RASAL2: variants seen among roughly 807,000 people sequenced by gnomAD.
The protein encoded by RASAL2 is RAS protein activator like 2.
A neutral mutation model predicts 128.9 loss-of-function variants in RASAL2; 58 were observed. The ratio of observed to expected loss-of-function variants is 0.45; its 90% CI spans 0.36 to 0.56. RASAL2 has a LOEUF of 0.56. Among genes scored for constraint, RASAL2 ranks in the 20% least tolerant of loss-of-function variants. RASAL2 has a pLI of 0.00. For missense variants in RASAL2, 1,360 were observed against 1,601.6 expected (o/e 0.85, Z 2.57); for synonymous variants, 561 against 580.8 (o/e 0.97, Z 0.49).
intron 3 of RASAL2, among the ~76,000 whole-genome samples, chr1:178,387,524 C>A (rs1477735141): frequency 2.0e-5 from 3 of 152,002 alleles, no homozygotes; most frequent in Non-Finnish European, 2.9e-5. Context: ...TCCTTCCCCC[C>A]TCCCCCTACC....
At position 178,188,745 on chromosome 1, in the gene RASAL2, A is replaced by G. The variant is rs74128877; in HGVS notation, c.202+94051A>G. 5.5e-3 allele frequency among the ~76,000 whole-genome samples: 842 copies of G among 152,314 alleles called. 11 individuals carry two copies. Among genetic ancestry groups the G allele is most frequent in the African/African-American group, 0.019 (790 of 41,578 alleles). On this transcript the variant is annotated intron_variant, in intron 1 of 17. Coordinates refer to ENST00000367649, the MANE Select transcript of RASAL2 (RefSeq NM_170692.4). The stretch of plus-strand genomic sequence containing the variant: ...GTGATCCTAATTCAACATTTATTGA[A>G]TGAGTGTTACTATTTAGAAGGCAAA...
At chr1:178,161,028 C>CGGAA (rs1661270775) in intron 1 of RASAL2, among the ~76,000 whole-genome samples, 2 of 151,906 alleles carry the variant, frequency 1.3e-5, no homozygotes, top group South Asian at 4.1e-4. Flanking sequence ...TGAGAGTTCC[C>CGGAA]GCAAGTGTCT....
intron 3 of RASAL2, among the ~76,000 whole-genome samples, chr1:178,351,982 T>G (rs1337920155): frequency 6.6e-6 from 1 of 152,214 alleles, no homozygotes; most frequent in African/African-American, 2.4e-5. Context: ...ATATAAAAAC[T>G]GTTCTTGGAG....
At chr1:178,386,357 C>A (rs1255143666) in intron 3 of RASAL2, among the ~76,000 whole-genome samples, 1 of 152,154 alleles carries the variant, frequency 6.6e-6, no homozygotes, top group African/African-American at 2.4e-5. Flanking sequence ...GTCTGGATAA[C>A]CCAGTTTATT....
intron 1 of RASAL2, among the ~76,000 whole-genome samples, chr1:178,225,558 TA>T: frequency 6.6e-6 from 1 of 152,146 alleles, no homozygotes; most frequent in East Asian, 1.9e-4. Flanking sequence ...TAGCCATGGT[TA>T]AAACTTAAAA....
chr1:178,425,459 G>C lies in RASAL2; in HGVS notation c.674+4839G>C, dbSNP rs557056039. The stretch of plus-strand genomic sequence containing the variant: ...TTACTTAATCTATAATTCTCACTTA[G>C]ATGACAAACAGATGTAGTTACCTAC... On this transcript the variant is annotated intron_variant, in intron 5 of 17. Coordinates refer to ENST00000367649, the MANE Select transcript of RASAL2 (RefSeq NM_170692.4). Among the ~76,000 whole-genome samples, 4 of 152,070 alleles carry C rather than the reference G, an allele frequency of 2.6e-5. No homozygotes were observed. In the South Asian group the frequency reaches 8.3e-4, roughly 32 times the overall value.
In RASAL2 at chr1:178,162,420, ATAT is replaced by A. The variant is rs1437691969; in HGVS notation, c.202+67730_202+67732del. On this transcript the variant is annotated intron_variant, in intron 1 of 17. Transcript: ENST00000367649. ...TTATATATTTTATATATTATATATA[ATAT>A]TATATATATTTTATATATAATATAT... Among the ~76,000 whole-genome samples, 949 of 119,108 alleles carry A rather than the reference ATAT, an allele frequency of 8.0e-3. 11 individuals carry two copies. Among genetic ancestry groups the A allele is most frequent in the African/African-American group, 0.025 (740 of 29,714 alleles). 78.1% of individuals were successfully genotyped at this position (119,108 alleles called of 152,430 possible).
At chr1:178,319,778 CCTT>C (rs1337565887) in intron 3 of RASAL2, among the ~76,000 whole-genome samples, 1 of 152,142 alleles carries the variant, frequency 6.6e-6, no homozygotes, top group East Asian at 1.9e-4. Flanking sequence ...TCGTCTGAAG[CCTT>C]CTTCTCTCAG....
chr1:178,330,036 T>C lies in RASAL2; in HGVS notation c.457+29918T>C, dbSNP rs527850843. Among the ~76,000 whole-genome samples, 13 of 152,248 alleles carry C rather than the reference T, an allele frequency of 8.5e-5. No individual in the cohort carries two copies. In the South Asian group the frequency reaches 1.2e-3, roughly 15 times the overall value. On this transcript the variant is annotated intron_variant, in intron 3 of 17. Coordinates refer to ENST00000367649, the MANE Select transcript of RASAL2 (RefSeq NM_170692.4). ...TATACATTCAGTAAATTTTGGTTAA[T>C]TATATTGTTGACTAAGTTGCTTTAA...
intron 3 of RASAL2, among the ~76,000 whole-genome samples, chr1:178,333,383 A>C (rs1571876320): frequency 6.6e-6 from 1 of 152,208 alleles, no homozygotes; most frequent in Non-Finnish European, 1.5e-5. Flanking sequence ...AATATCCCTC[A>C]AATATTAGAC....
chr1:178,439,637 T>C, intron 6 of RASAL2, 62 bp downstream of exon 6: 1 of 1,532,922 alleles, frequency 6.5e-7, no homozygotes, highest in Non-Finnish European at 8.9e-7. Context: ...TTATGTCCAG[T>C]AATTTTGCGA....
At chr1:178,270,784 A>G (rs1439027567) in intron 1 of RASAL2, among the ~76,000 whole-genome samples, 1 of 152,104 alleles carries the variant, frequency 6.6e-6, no homozygotes, top group Non-Finnish European at 1.5e-5. Context: ...GGGCTTTACT[A>G]TAAGGTGACC....
chr1:178,319,623 G>A (rs1179851373), intron 3 of RASAL2, among the ~76,000 whole-genome samples: 4 of 148,068 alleles, frequency 2.7e-5, no homozygotes, highest in South Asian at 2.1e-4. Context: ...CGTAGTTCTC[G>A]AGCCTTGGTT....
chr1:178,102,650 T>G (rs75996001), intron 1 of RASAL2, among the ~76,000 whole-genome samples: 2,100 of 152,340 alleles, frequency 0.014, 32 homozygotes, highest in Non-Finnish European at 0.022. Flanking sequence ...TTCTCTTAAG[T>G]GTATTTTCTC....
intron 2 of RASAL2, 29 bp downstream of exon 2, chr1:178,283,720 G>A: frequency 6.2e-7 from 1 of 1,605,108 alleles, no homozygotes; most frequent in Non-Finnish European, 8.5e-7. Context: ...AGGAAAGTTA[G>A]TTTCCTTTTC....
In RASAL2 at chr1:178,338,341, G is replaced by A. The variant is rs557528216; in HGVS notation, c.457+38223G>A. 7.6e-4 allele frequency among the ~76,000 whole-genome samples: 115 copies of A among 151,786 alleles called. 1 individual carries two copies. Among genetic ancestry groups the A allele is most frequent in the Non-Finnish European group, 1.4e-3 (95 of 67,924 alleles). ...GATGGGGTTTTACCATGTTGGTCAG[G>A]CTAGTCTCGAACTCCTAACCTCAAG... is the stretch of plus-strand genomic sequence containing the variant. On this transcript the variant is annotated intron_variant, in intron 3 of 17. Coordinates refer to ENST00000367649, the MANE Select transcript of RASAL2 (RefSeq NM_170692.4).
intron 1 of RASAL2, among the ~76,000 whole-genome samples, chr1:178,208,274 T>C (rs758923773): frequency 2.4e-4 from 36 of 152,154 alleles, no homozygotes; most frequent in Non-Finnish European, 4.3e-4. Context: ...AGAGAGCCTA[T>C]AAATGGATGT....
intron 16 of RASAL2, among the ~76,000 whole-genome samples, chr1:178,466,411 A>G (rs1647700126): frequency 6.6e-6 from 1 of 152,252 alleles, no homozygotes; most frequent in South Asian, 2.1e-4. Context: ...GTAAATATCC[A>G]ATGCCCAAGA....
intron 3 of RASAL2, among the ~76,000 whole-genome samples, chr1:178,312,712 C>T (rs1252710847): frequency 6.6e-6 from 1 of 152,052 alleles, no homozygotes; most frequent in Non-Finnish European, 1.5e-5. Flanking sequence ...GCGAGACTTT[C>T]CAAGAACACA....
Sources: gnomAD v4.1 joint callset for allele counts (sites outside exome capture counted in the v4.1 genomes callset) on GRCh38, gnomAD v4.1.1 for gene constraint, MANE v1.5 for transcripts, NCBI Gene and HGNC (gene_info 2026-07-23, HGNC 2026-07-21) for gene names.